Variants in RTTN observed in about 807,000 individuals in gnomAD.
RTTN encodes rotatin.
RTTN carries 182 observed loss-of-function variants against 269.2 expected under a neutral mutation model. The observed-to-expected ratio is 0.68, with a 90% confidence interval of 0.60 to 0.76. The LOEUF (loss-of-function observed/expected upper bound fraction) is 0.76. Ranked by LOEUF, RTTN falls within the 30% of genes least tolerant of loss-of-function variation. The probability of loss-of-function intolerance (pLI) is 0.00; values close to 1 mark genes in which losing one functional copy is unlikely to be tolerated. For synonymous variants in RTTN, 1,006 were observed against 963.5 expected, an observed-to-expected ratio of 1.04 and a Z score of -0.82; for missense variants, 2,545 against 2,608.6, an observed-to-expected ratio of 0.98 and a Z score of 0.53.
intron 3 of RTTN, 120 bp from the exon 4 acceptor site, chr18:70,202,103 A>G (rs1297761314): frequency 1.7e-6 from 1 of 596,028 alleles, no homozygotes; most frequent in African/African-American, 1.9e-5. Flanking sequence ...AATTAAAAAA[A>G]AGTCCAGTTT....
At chr18:70,095,427 T>C (rs1032908322) in intron 28 of RTTN, among the ~76,000 whole-genome samples, 1 of 152,216 alleles carries the variant, frequency 6.6e-6, no homozygotes, top group African/African-American at 2.4e-5. Flanking sequence ...GCTTTTGTAG[T>C]GGTTGGTACT....
Position 70,163,069 on chromosome 18 carries a change from TAAAAAAAAAA to T in RTTN, c.1929+2983_1929+2992del, listed in dbSNP as rs10559303. Among the ~76,000 whole-genome samples, 26 of 56,982 alleles carry T rather than the reference TAAAAAAAAAA, an allele frequency of 4.6e-4. 1 individual carries two copies. Among genetic ancestry groups the T allele is most frequent in the Admixed American group, 1.3e-3 (4 of 3,014 alleles). 37.4% of individuals were successfully genotyped at this position (56,982 alleles called of 152,430 possible). A position where few individuals can be genotyped will look rare whatever the true frequency, so the allele number is the denominator to read the frequency against. On this transcript the variant is annotated intron_variant, in intron 14 of 48. Coordinates refer to ENST00000640769, the MANE Select transcript of RTTN (RefSeq NM_173630.4). ...CACCCATTAGGATGGTTACTATTATTAAAAAAAAAAAAAAAAAAAAAAAAAAAAACAAGGC... is the reference window on the plus strand; with the variant it reads ...CACCCATTAGGATGGTTACTATTATTAAAAAAAAAAAAAAAAAAACAAGGC...
intron 11 of RTTN, among the ~76,000 whole-genome samples, chr18:70,169,487 T>C (rs369839390): frequency 5.9e-5 from 9 of 152,160 alleles, no homozygotes; most frequent in African/African-American, 1.9e-4. Context: ...CCCCATCCCA[T>C]AGCTGAACAT....
intron 39 of RTTN, 71 bp from the exon 40 acceptor site, chr18:70,048,259 A>AT: frequency 1.5e-6 from 2 of 1,365,088 alleles, no homozygotes; most frequent in Non-Finnish European, 2.0e-6. Flanking sequence ...AATCAAGTTG[A>AT]TTTTAAAGTA....
rs979514828 is a variant in RTTN, at chr18:70,145,742, G to A, written c.2351C>T (p.Thr784Ile). The change falls in exon 18 of 49, where the codon ACC becomes ATC. Residue 784 changes from threonine to isoleucine, a missense_variant. By Grantham distance (89) the Thr-to-Ile change is moderately conservative (BLOSUM62 -1). Coordinates refer to ENST00000640769, the MANE Select transcript of RTTN (RefSeq NM_173630.4). ...LALKLLAFHL[T>I]SEEGADTKRP... ...CTTTGTATCAGCCCCTTCTTCACTG[G>A]TAAGATGGAATGCTAAAAGCTTTAA... The A allele has an allele frequency of 1.7e-5, 27 of 1,612,918 alleles. No homozygotes were observed. The highest frequency in any genetic ancestry group is 2.3e-5 in the Non-Finnish European group (27 of 1,179,438).
intron 47 of RTTN, chr18:70,006,146 A>T (rs2056179031): frequency 2.6e-6 from 1 of 385,614 alleles, no homozygotes; most frequent in Non-Finnish European, 4.6e-6. Flanking sequence ...AAGAGGAAAA[A>T]GTCAGTTCAG....
chr18:70,134,246 G>A (rs147450792), intron 23 of RTTN, among the ~76,000 whole-genome samples: 4 of 152,114 alleles, frequency 2.6e-5, no homozygotes, highest in Non-Finnish European at 4.4e-5. Flanking sequence ...AGTATGCACC[G>A]TATAGCTTTC....
At chr18:70,197,872 C>T in intron 5 of RTTN, 134 bp from the exon 6 acceptor site, 1 of 624,174 alleles carries the variant, frequency 1.6e-6, no homozygotes, top group Non-Finnish European at 2.8e-6. Flanking sequence ...AAAAGCCTTC[C>T]TAGATCTTTT....
In RTTN at chr18:70,017,390, T is replaced by G; in HGVS notation, c.6421+17A>C. 6.2e-7 allele frequency: 1 copy of G among 1,606,928 alleles called. No homozygotes were observed. The highest frequency in any genetic ancestry group is 8.5e-7 in the Non-Finnish European group (1 of 1,174,392). ...GAATAACTACATATATAAATGTATG[T>G]GTGTGTGAAAACTTACCATTAGCCA... On this transcript the variant is annotated intron_variant, in intron 46 of 48. Coordinates refer to ENST00000640769, the MANE Select transcript of RTTN (RefSeq NM_173630.4).
intron 14 of RTTN, among the ~76,000 whole-genome samples, chr18:70,152,170 A>G (rs1359495302): frequency 6.6e-6 from 1 of 151,746 alleles, no homozygotes; most frequent in Non-Finnish European, 1.5e-5. Context: ...CTAGTCTCTC[A>G]GTAGTTGATC....
chr18:70,119,288 G>GC (rs1227527142), intron 26 of RTTN, among the ~76,000 whole-genome samples: 42 of 145,338 alleles, frequency 2.9e-4, no homozygotes, highest in African/African-American at 6.7e-4. Context: ...CAGTAACCGC[G>GC]CCCCCCCAAA....
At chr18:70,166,658 CA>C in intron 13 of RTTN, 2 of 322,612 alleles carry the variant, frequency 6.2e-6, no homozygotes, top group Non-Finnish European at 1.1e-5. Context: ...GGATGGATAC[CA>C]AAAACAAATG....
intron 36 of RTTN, among the ~76,000 whole-genome samples, chr18:70,058,269 C>G (rs545730302): frequency 3.3e-4 from 50 of 152,310 alleles, no homozygotes; most frequent in Middle Eastern, 6.8e-3. Context: ...GTAATCCCAG[C>G]ACTTTGGGAG....
chr18:70,050,335 T>C (rs550869367), intron 39 of RTTN, among the ~76,000 whole-genome samples: 51 of 152,316 alleles, frequency 3.3e-4, no homozygotes, highest in Non-Finnish European at 4.0e-4. Flanking sequence ...CCATCATCAC[T>C]GGTCATTAGA....
intron 16 of RTTN, 98 bp downstream of exon 16, chr18:70,149,873 C>A: frequency 1.2e-6 from 1 of 866,596 alleles, no homozygotes; most frequent in East Asian, 2.6e-5. Context: ...CTCTTCATTT[C>A]TCTCACAACT....
At chr18:70,133,098 A>C (rs1022208612) in intron 23 of RTTN, among the ~76,000 whole-genome samples, 1 of 152,164 alleles carries the variant, frequency 6.6e-6, no homozygotes, top group Non-Finnish European at 1.5e-5. Context: ...TCTTATAAGC[A>C]ACCTGGAAAC....
chr18:70,061,961 T>G (rs1178828890), intron 35 of RTTN, among the ~76,000 whole-genome samples: 1 of 152,226 alleles, frequency 6.6e-6, no homozygotes, highest in Non-Finnish European at 1.5e-5. Context: ...AAGTAAAAAT[T>G]CTGGCTTTCA....
At chr18:70,167,605 C>T (rs2061023760) in intron 12 of RTTN, among the ~76,000 whole-genome samples, 1 of 151,944 alleles carries the variant, frequency 6.6e-6, no homozygotes, top group Non-Finnish European at 1.5e-5. Flanking sequence ...AGCCTGTAAT[C>T]CCAGCTACTT....
Position 70,075,412 on chromosome 18 carries a change from A to G in RTTN, c.4504T>C (p.Cys1502Arg), listed in dbSNP as rs2058401710. Residue 1502 changes from cysteine (C) to arginine (R), a missense_variant, in exon 33 of 49, where the codon TGT becomes CGT. Physicochemically the swap from Cys to Arg is radical, Grantham distance 180. Coordinates refer to ENST00000640769, the MANE Select transcript of RTTN (RefSeq NM_173630.4). The part of the protein sequence containing the change: ...QMVKHCYLGR[C>R]MFDLNFSAFD... ...GCAGAAAAATTCAAATCAAACATAC[A>G]CCGTCCTAGGTAACAATGCTTTACC... 1 of 1,603,694 alleles carries G rather than the reference A, an allele frequency of 6.2e-7. No individual in the cohort carries two copies. Among genetic ancestry groups the G allele is most frequent in the African/African-American group, 1.3e-5 (1 of 74,258 alleles).
Sources: allele counts gnomAD v4.1 joint callset (sites outside exome capture counted in the v4.1 genomes callset), GRCh38; gene constraint gnomAD v4.1.1; transcripts MANE v1.5; gene names NCBI Gene and HGNC (gene_info 2026-07-23, HGNC 2026-07-21).